PRKD2: variants seen among roughly 807,000 people sequenced by gnomAD.
PRKD2 encodes protein kinase D2, also known as serine/threonine-protein kinase D2.
PRKD2 carries 22 observed loss-of-function variants against 86.0 expected under a neutral mutation model. The ratio of observed to expected loss-of-function variants is 0.26; its 90% CI spans 0.18 to 0.37. The LOEUF (loss-of-function observed/expected upper bound fraction) is 0.37, where lower values mean the gene tolerates loss of function less well. PRKD2 is among the 10% of genes least tolerant of loss of function. PRKD2 has a pLI of 1.00. For missense variants in PRKD2, 818 were observed against 1,199.2 expected (o/e 0.68, Z 4.70); for synonymous variants, 509 against 510.9 (o/e 1.00, Z 0.05).
chr19:46,675,267 A>G (rs1166441980), intron 16 of PRKD2, 149 bp from the exon 17 acceptor site: 3 of 639,286 alleles, frequency 4.7e-6, no homozygotes, highest in Non-Finnish European at 8.3e-6. Context: ...CCAATCACTC[A>G]CCCACCCATT....
At position 46,716,425 on chromosome 19, in the gene PRKD2, C is replaced by T. The variant is rs528137098; in HGVS notation, c.-55G>A. 1.8e-6 allele frequency: 2 copies of T among 1,121,514 alleles called. No homozygotes were observed. The highest frequency in any genetic ancestry group is 7.4e-5 in the Admixed American group (2 of 27,150). 69.5% of individuals were successfully genotyped at this position (1,121,514 alleles called of 1,614,324 possible). A position where few individuals can be genotyped will look rare whatever the true frequency, so the allele number is the denominator to read the frequency against. ...GCCCACCCGGGACCCGGCCGGGGGGCCCCGGGGGACCCTGGGTTCTAGATC... is the reference window on the plus strand; with the variant it reads ...GCCCACCCGGGACCCGGCCGGGGGGTCCCGGGGGACCCTGGGTTCTAGATC... On this transcript the variant is annotated 5_prime_UTR_variant, in exon 1 of 18. Coordinates refer to ENST00000291281, the MANE Select transcript of PRKD2 (RefSeq NM_016457.5). The surrounding 1 kb of genome is among the most constrained non-coding windows in gnomAD (Gnocchi z 7.9).
chr19:46,681,588 A>ACCCCCCCCCCCCCCC, intron 15 of PRKD2, 62 bp downstream of exon 15: 2 of 250,488 alleles, frequency 8.0e-6, no homozygotes, highest in African/African-American at 4.7e-5. Flanking sequence ...CCCCTTCCCC[A>ACCCCCCCCCCCCCCC]CCCCCACCCC....
In PRKD2 at chr19:46,711,939, G is replaced by A. The variant is rs547066534; in HGVS notation, c.380-901C>T. Among the ~76,000 whole-genome samples the A allele has an allele frequency of 6.6e-5, 10 of 151,758 alleles. No individual in the cohort carries two copies. In the East Asian group the frequency reaches 1.2e-3, roughly 18 times the overall value. On this transcript the variant is annotated intron_variant, in intron 2 of 17. Transcript: ENST00000291281. ...AAAAATTAGCCAGGCCTGGTGCCGC[G>A]TGCCTGTAATCCCAGCTACTCAGGA...
Position 46,678,573 on chromosome 19 carries a change from C to T in PRKD2, c.2161G>A (p.Glu721Lys). 2 of 1,614,066 alleles carry T rather than the reference C, an allele frequency of 1.2e-6. No homozygotes were observed. The highest frequency in any genetic ancestry group is 1.1e-5 in the South Asian group (1 of 91,092). ...TTGTAGCCCTGGTTGAGCAGCACCT[C>T]GGGTGCCAGGTAGGCCGGCGTGCCC... ...VVGTPAYLAP[E>K]VLLNQGYNRS... is the part of the protein sequence containing the mutation. Residue 721 changes from glutamate (E) to lysine (K), a missense_variant, in exon 16 of 18, where the codon GAG becomes AAG. Glu to Lys is a moderately conservative substitution (Grantham distance 56). Coordinates refer to ENST00000291281, the MANE Select transcript of PRKD2 (RefSeq NM_016457.5). The surrounding 1 kb of genome is among the most constrained non-coding windows in gnomAD (Gnocchi z 5.7).
At chr19:46,689,444 C>G (rs1426162772) in intron 14 of PRKD2, 93 bp downstream of exon 14, 1 of 1,406,122 alleles carries the variant, frequency 7.1e-7, no homozygotes, top group Admixed American at 2.1e-5. Context: ...TGTGACTCCC[C>G]CAAGTGTCTG....
chr19:46,694,208 C>T lies in PRKD2; in HGVS notation c.1318-75G>A. 3 of 1,556,704 alleles carry T rather than the reference C, an allele frequency of 1.9e-6. No homozygotes were observed. The East Asian group carries it at 6.8e-5, about 35-fold the overall frequency. ...ATTCTAGTGCTTACCCAGAAGGATA[C>T]ACGGGATCCATGTTGATAGGGATGG... On this transcript the variant is annotated intron_variant, in intron 9 of 17. Transcript: ENST00000291281.
intron 3 of PRKD2, among the ~76,000 whole-genome samples, chr19:46,708,574 G>T (rs751034505): frequency 9.2e-5 from 14 of 151,810 alleles, no homozygotes; most frequent in African/African-American, 3.4e-4. Flanking sequence ...TCCTCCCAAA[G>T]TGCTGGGATT....
At position 46,678,825 on chromosome 19, in the gene PRKD2, C is replaced by A. The variant is rs2053252874; in HGVS notation, c.2071-162G>T. Among the ~76,000 whole-genome samples, 1 of 141,696 alleles carries A rather than the reference C, an allele frequency of 7.1e-6. No individual in the cohort carries two copies. Among genetic ancestry groups the A allele is most frequent in the Non-Finnish European group, 1.5e-5 (1 of 67,942 alleles). The allele number at this position is 141,696 out of a possible 152,430, so 93.0% of individuals were successfully genotyped here. A position where few individuals can be genotyped will look rare whatever the true frequency, so the allele number is the denominator to read the frequency against. On this transcript the variant is annotated intron_variant, in intron 15 of 17. Transcript: ENST00000291281. This position sits in a 1 kb window ranked among gnomAD's most constrained non-coding sequence, Gnocchi z 5.7. Reference sequence around the variant, plus strand: ...TGAGCAACCCTGGGCAGGTGACTTCCCCCCTCTGTGCCTCAGTTTCCCCAT... The same window carrying A: ...TGAGCAACCCTGGGCAGGTGACTTCACCCCTCTGTGCCTCAGTTTCCCCAT...
At chr19:46,683,885 CTCTT>C (rs1390381340) in intron 14 of PRKD2, among the ~76,000 whole-genome samples, 1 of 151,822 alleles carries the variant, frequency 6.6e-6, no homozygotes, top group Non-Finnish European at 1.5e-5. Context: ...TTGTTTGTGT[CTCTT>C]AAATAAAGCT....
At chr19:46,681,035 G>T (rs2122573711) in intron 15 of PRKD2, among the ~76,000 whole-genome samples, 1 of 144,396 alleles carries the variant, frequency 6.9e-6, no homozygotes, top group Admixed American at 7.1e-5. Context: ...CTAACTGCAA[G>T]CTCCGCCTCC....
At position 46,678,698 on chromosome 19, in the gene PRKD2, G is replaced by A. The variant is rs775169586; in HGVS notation, c.2071-35C>T. Reference sequence around the variant, plus strand: ...GCAAGGGATGGAGGCTCCACCAGGTGATGGAGCCGCACCCACCCCAGCATC... The same window carrying A: ...GCAAGGGATGGAGGCTCCACCAGGTAATGGAGCCGCACCCACCCCAGCATC... On this transcript the variant is annotated intron_variant, in intron 15 of 17. Coordinates refer to ENST00000291281, the MANE Select transcript of PRKD2 (RefSeq NM_016457.5). The surrounding 1 kb of genome is among the most constrained non-coding windows in gnomAD (Gnocchi z 5.7). The A allele has an allele frequency of 1.3e-6, 2 of 1,585,510 alleles. No individual in the cohort carries two copies. The highest frequency in any genetic ancestry group is 2.2e-5 in the East Asian group (1 of 44,590).
chr19:46,700,127 T>C (rs899126872), intron 7 of PRKD2, among the ~76,000 whole-genome samples: 15 of 151,744 alleles, frequency 9.9e-5, no homozygotes, highest in Non-Finnish European at 2.2e-4. Context: ...TCCCAGCTAC[T>C]TGGGAGGCTG....
intron 14 of PRKD2, among the ~76,000 whole-genome samples, chr19:46,687,809 G>A (rs1188445517): frequency 6.6e-6 from 1 of 152,204 alleles, no homozygotes; most frequent in Non-Finnish European, 1.5e-5. Context: ...GCAGGGACTA[G>A]GGAGTGTTTG....
intron 14 of PRKD2, chr19:46,685,597 A>G (rs868578068): frequency 6.6e-6 from 1 of 152,016 alleles, no homozygotes; most frequent in African/African-American, 2.4e-5. Context: ...AGAAAGAGAA[A>G]CCCCCTCAGC....
chr19:46,693,693 T>G lies in PRKD2; in HGVS notation c.1576+182A>C, dbSNP rs917443195. Among the ~76,000 whole-genome samples the G allele has an allele frequency of 5.3e-5, 8 of 152,158 alleles. No homozygotes were observed. The highest frequency in any genetic ancestry group is 1.9e-4 in the African/African-American group (8 of 41,446). ...CCTCAAGTGATCCTCCCTCCTTGGCTTCCCAAAGCGCTGGGATTAACAGGA... is the reference window on the plus strand; with the variant it reads ...CCTCAAGTGATCCTCCCTCCTTGGCGTCCCAAAGCGCTGGGATTAACAGGA... On this transcript the variant is annotated intron_variant, in intron 10 of 17. Coordinates refer to ENST00000291281, the MANE Select transcript of PRKD2 (RefSeq NM_016457.5). The surrounding 1 kb of genome is among the most constrained non-coding windows in gnomAD (Gnocchi z 4.5).
rs543584776 is a variant in PRKD2, at chr19:46,682,845, T to C, written c.1972-1097A>G. On this transcript the variant is annotated intron_variant, in intron 14 of 17. Coordinates refer to ENST00000291281, the MANE Select transcript of PRKD2 (RefSeq NM_016457.5). Reference sequence around the variant, plus strand: ...TCAACCTCCCTAGTAACTGGGATTATAGGCACACACCATCACACCTGACTA... The same window carrying C: ...TCAACCTCCCTAGTAACTGGGATTACAGGCACACACCATCACACCTGACTA... Among the ~76,000 whole-genome samples, 80 of 151,470 alleles carry C rather than the reference T, an allele frequency of 5.3e-4. 1 individual carries two copies. The highest frequency in any genetic ancestry group is 1.9e-3 in the African/African-American group (78 of 41,308).
rs1159306440 is a variant in PRKD2 at position 46,680,924 on chromosome 19, C to CTATATATATATATATATATA, written c.2070+706_2070+725dup. 9.1e-4 allele frequency among the ~76,000 whole-genome samples: 66 copies of CTATATATATATATATATATA among 72,386 alleles called. 1 individual carries two copies. The highest frequency in any genetic ancestry group is 1.3e-3 in the South Asian group (2 of 1,586). The allele number at this position is 72,386 out of a possible 152,430, so 47.5% of individuals were successfully genotyped here. On this transcript the variant is annotated intron_variant, in intron 15 of 17. Coordinates refer to ENST00000291281, the MANE Select transcript of PRKD2 (RefSeq NM_016457.5). The stretch of plus-strand genomic sequence containing the variant: ...ATAAAGTGCTATATGTTGGGATAAA[C>CTATATATATATATATATATA]TATATATATATATATATATATATTT...
intron 15 of PRKD2, among the ~76,000 whole-genome samples, chr19:46,680,791 ACTCCTGGTCTCAAGCCGTCTTCCCAT>A (rs1216603778): frequency 9.1e-5 from 13 of 142,434 alleles, no homozygotes; most frequent in African/African-American, 3.4e-4. Flanking sequence ...TCAGACTTGA[ACTCCTGGTCTCAAGCCGTCTTCCCAT>A]CTTGGCCTCC....
intron 9 of PRKD2, among the ~76,000 whole-genome samples, chr19:46,695,807 G>C (rs1183397605): frequency 6.6e-6 from 1 of 151,960 alleles, no homozygotes; most frequent in Non-Finnish European, 1.5e-5. Context: ...TGGACACGTC[G>C]GGGGGGCATG....
Sources: gnomAD v4.1 joint callset for allele counts (sites outside exome capture counted in the v4.1 genomes callset) on GRCh38, gnomAD v4.1.1 for gene constraint, Gnocchi (gnomAD v3.1) non-coding constraint, MANE v1.5 for transcripts, NCBI Gene and HGNC (gene_info 2026-07-23, HGNC 2026-07-21) for gene names.